CPA6: variants seen among roughly 807,000 people sequenced by gnomAD.
CPA6 encodes carboxypeptidase B.
CPA6 carries 58 observed loss-of-function variants against 63.3 expected under a neutral mutation model. The ratio of observed to expected loss-of-function variants is 0.92; its 90% CI spans 0.74 to 1.14. CPA6 has a LOEUF of 1.14. Ranked by LOEUF, CPA6 falls within the 50% of genes most tolerant of loss-of-function variation. CPA6 has a pLI of 0.00. For synonymous variants in CPA6, 185 were observed against 179.0 expected, an observed-to-expected ratio of 1.03 and a Z score of -0.27; for missense variants, 565 against 526.6, an observed-to-expected ratio of 1.07 and a Z score of -0.71.
chr8:67,428,168 C>T lies in CPA6; in HGVS notation c.1042-37G>A, dbSNP rs115483973. 2.2e-3 allele frequency: 2,849 copies of T among 1,308,048 alleles called. 35 individuals carry two copies. The African/African-American group carries it at 0.036, about 16-fold the overall frequency. The allele number at this position is 1,308,048 out of a possible 1,614,324, so 81.0% of individuals were successfully genotyped here. A position where few individuals can be genotyped will look rare whatever the true frequency, so the allele number is the denominator to read the frequency against. ...AATGGGGAAATTTTATATATTGTTG[C>T]ATTGAAACTTTTAGATACACTGCTA... On this transcript the variant is annotated intron_variant, in intron 9 of 10. Transcript: ENST00000297770.
chr8:67,696,058 G>A lies in CPA6; in HGVS notation c.116+49956C>T, dbSNP rs572505966. Among the ~76,000 whole-genome samples, 5 of 152,234 alleles carry A rather than the reference G, an allele frequency of 3.3e-5. No individual in the cohort carries two copies. The East Asian group carries it at 5.8e-4, about 18-fold the overall frequency. On this transcript the variant is annotated intron_variant, in intron 1 of 10. Transcript: ENST00000297770. The stretch of plus-strand genomic sequence containing the variant: ...TGCCTCTGAATCAACAGGCCAAAAC[G>A]GGAGTTACAGTCTAGGCTGAAGTGA...
Position 67,448,639 on chromosome 8 carries a change from G to GAAAAAAAAAAAAAAAAA in CPA6, c.839-14400_839-14399insTTTTTTTTTTTTTTTTT, listed in dbSNP as rs61317091. 8.4e-3 allele frequency among the ~76,000 whole-genome samples: 193 copies of GAAAAAAAAAAAAAAAAA among 22,940 alleles called. 1 individual carries two copies. Among genetic ancestry groups the GAAAAAAAAAAAAAAAAA allele is most frequent in the South Asian group, 0.01 (7 of 674 alleles). The allele number at this position is 22,940 out of a possible 152,430, so 15.0% of individuals were successfully genotyped here. ...AGAGTGAGACCCTATCTCAAAAAAG[G>GAAAAAAAAAAAAAAAAA]AAAAAAAAAAAAAAAGGAAAGAACG... On this transcript the variant is annotated intron_variant, in intron 8 of 10. Coordinates refer to ENST00000297770, the MANE Select transcript of CPA6 (RefSeq NM_020361.5).
intron 6 of CPA6, among the ~76,000 whole-genome samples, chr8:67,505,652 A>G (rs1427698973): frequency 6.6e-6 from 1 of 152,196 alleles, no homozygotes; most frequent in East Asian, 1.9e-4. Flanking sequence ...AGAGAATGCA[A>G]ATTACTCAAT....
At position 67,434,055 on chromosome 8, in the gene CPA6, G is replaced by A. The variant is rs140734555; in HGVS notation, c.1024C>T (p.Pro342Ser). Reference sequence around the variant, plus strand: ...ATACTTACCACACATCTAAAATTGGGAATTGTTGCATATTTGTAAGAATAG... The same window carrying A: ...ATACTTACCACACATCTAAAATTGGAAATTGTTGCATATTTGTAAGAATAG... ...YPYSYKYATI[P>S]NFRCVESAAY... The change falls in exon 9 of 11, where the codon CCC becomes TCC. Residue 342 changes from proline (P) to serine (S), a missense_variant. Coordinates refer to ENST00000297770, the MANE Select transcript of CPA6 (RefSeq NM_020361.5). The A allele has an allele frequency of 1.9e-6, 3 of 1,612,038 alleles. No individual in the cohort carries two copies. The highest frequency in any genetic ancestry group is 4.5e-5 in the East Asian group (2 of 44,876).
intron 2 of CPA6, among the ~76,000 whole-genome samples, chr8:67,549,145 G>A (rs971510853): frequency 2.6e-5 from 4 of 152,102 alleles, no homozygotes; most frequent in African/African-American, 9.7e-5. Context: ...GGAAGAGAAG[G>A]CTTTTAAAAA....
intron 2 of CPA6, among the ~76,000 whole-genome samples, chr8:67,596,516 G>T (rs1440263695): frequency 6.6e-6 from 1 of 150,726 alleles, no homozygotes. Flanking sequence ...ACTGTATTTG[G>T]GTATGAATTT....
intron 2 of CPA6, among the ~76,000 whole-genome samples, chr8:67,558,283 G>A (rs1813114997): frequency 6.6e-6 from 1 of 152,108 alleles, no homozygotes; most frequent in African/African-American, 2.4e-5. Flanking sequence ...CCAAAGAAAT[G>A]CATTTCTTCT....
rs141655084 is a variant in CPA6 at position 67,469,815 on chromosome 8, G to T, written c.838+13953C>A. 5.8e-3 allele frequency among the ~76,000 whole-genome samples: 888 copies of T among 152,066 alleles called. 7 individuals carry two copies. The highest frequency in any genetic ancestry group is 0.027 in the South Asian group (131 of 4,816). On this transcript the variant is annotated intron_variant, in intron 8 of 10. Transcript: ENST00000297770. ...CTGTCTCTCTCTATACATCCAATTG[G>T]TTCTGTTTATCTCTTTTCCCTTCTC...
intron 7 of CPA6, 22 bp downstream of exon 7, chr8:67,484,657 C>A: frequency 7.9e-7 from 1 of 1,261,128 alleles, no homozygotes. Context: ...CTCTTTTCAA[C>A]TGGGTAGGCA....
chr8:67,722,221 C>A (rs1817514507), intron 1 of CPA6, among the ~76,000 whole-genome samples: 1 of 152,112 alleles, frequency 6.6e-6, no homozygotes, highest in South Asian at 2.1e-4. Context: ...TATATTTGAC[C>A]TTCGGCAGGC....
intron 6 of CPA6, among the ~76,000 whole-genome samples, chr8:67,489,536 CTG>C (rs1242333560): frequency 6.6e-6 from 1 of 151,812 alleles, no homozygotes. Flanking sequence ...ATTTCTGACA[CTG>C]TATTACAGTT....
chr8:67,461,812 G>C (rs1269001083), intron 8 of CPA6, among the ~76,000 whole-genome samples: 2 of 150,874 alleles, frequency 1.3e-5, no homozygotes, highest in African/African-American at 2.4e-5. Flanking sequence ...CTGGCCGGGC[G>C]GGGGGCTGAC....
intron 2 of CPA6, among the ~76,000 whole-genome samples, chr8:67,564,090 T>C (rs1248977484): frequency 6.6e-6 from 1 of 152,182 alleles, no homozygotes; most frequent in Admixed American, 6.5e-5. Flanking sequence ...ATATCCAGGA[T>C]GTGGAAGGGC....
intron 1 of CPA6, among the ~76,000 whole-genome samples, chr8:67,707,488 C>A (rs1022726290): frequency 3.0e-4 from 46 of 152,168 alleles, no homozygotes; most frequent in African/African-American, 1.1e-3. Context: ...TGTGAGTATT[C>A]TTAACTTATG....
At chr8:67,551,270 C>G (rs1384681294) in intron 2 of CPA6, among the ~76,000 whole-genome samples, 1 of 152,260 alleles carries the variant, frequency 6.6e-6, no homozygotes, top group Non-Finnish European at 1.5e-5. Flanking sequence ...ATCCCAGCAC[C>G]ATTTATTGAA....
At chr8:67,553,385 A>C (rs1812992121) in intron 2 of CPA6, among the ~76,000 whole-genome samples, 1 of 152,220 alleles carries the variant, frequency 6.6e-6, no homozygotes, top group Admixed American at 6.5e-5. Flanking sequence ...TAGGAGAAAA[A>C]CAGATAAACA....
intron 3 of CPA6, among the ~76,000 whole-genome samples, chr8:67,513,031 G>A (rs1812073339): frequency 6.6e-6 from 1 of 152,110 alleles, no homozygotes. Flanking sequence ...ATTGATCATT[G>A]ACTTACTGCT....
intron 8 of CPA6, among the ~76,000 whole-genome samples, chr8:67,456,436 A>G (rs933634763): frequency 6.6e-6 from 1 of 152,170 alleles, no homozygotes; most frequent in African/African-American, 2.4e-5. Context: ...TTTCCTTTCA[A>G]TACACTCAAC....
chr8:67,635,365 G>T (rs866174394), intron 1 of CPA6, among the ~76,000 whole-genome samples: 23 of 151,824 alleles, frequency 1.5e-4, no homozygotes, highest in Middle Eastern at 6.8e-3. Context: ...CTTAATTTGG[G>T]ATTTACTGTT....
Sources: allele counts gnomAD v4.1 joint callset (sites outside exome capture counted in the v4.1 genomes callset), GRCh38; gene constraint gnomAD v4.1.1; transcripts MANE v1.5; gene names NCBI Gene and HGNC (gene_info 2026-07-23, HGNC 2026-07-21).